ATP8A2: variants seen among roughly 807,000 people sequenced by gnomAD.
The protein encoded by ATP8A2 is ATPase phospholipid transporting 8A2, also known as phospholipid-transporting ATPase IB.
A neutral mutation model predicts 165.6 loss-of-function variants in ATP8A2; 100 were observed. That is an observed-to-expected ratio of 0.60 (90% confidence interval 0.51 to 0.71). The LOEUF (loss-of-function observed/expected upper bound fraction) is 0.71, where lower values mean the gene tolerates loss of function less well. Among genes scored for constraint, ATP8A2 ranks in the 30% least tolerant of loss-of-function variants. The probability of loss-of-function intolerance (pLI) is 0.00; values close to 1 mark genes in which losing one functional copy is unlikely to be tolerated. For synonymous variants in ATP8A2, 543 were observed against 548.8 expected (o/e 0.99, Z 0.15); for missense variants, 1,227 against 1,479.5 (o/e 0.83, Z 2.80).
chr13:25,619,226 A>G (rs1054650556), intron 24 of ATP8A2, among the ~76,000 whole-genome samples: 3 of 152,104 alleles, frequency 2.0e-5, no homozygotes, highest in Non-Finnish European at 4.4e-5. Context: ...GGGGCCTTGC[A>G]GGGGCACACC....
Position 25,772,735 on chromosome 13 carries a change from AATTTATTT to A in ATP8A2, c.2569-2094_2569-2087del, listed in dbSNP as rs375525937. Among the ~76,000 whole-genome samples the A allele has an allele frequency of 4.6e-5, 7 of 150,932 alleles. No individual in the cohort carries two copies. In the South Asian group the frequency reaches 8.3e-4, roughly 18 times the overall value. ...TATTGAGAGTTACATTTAATTAATT[AATTTATTT>A]ATTTATTTATTTATTTATTATTTTT... is the stretch of plus-strand genomic sequence containing the variant. On this transcript the variant is annotated intron_variant, in intron 26 of 36. Coordinates refer to ENST00000381655, the MANE Select transcript of ATP8A2 (RefSeq NM_016529.6).
At chr13:25,919,342 G>A (rs576119366) in intron 33 of ATP8A2, among the ~76,000 whole-genome samples, 1 of 152,234 alleles carries the variant, frequency 6.6e-6, no homozygotes, top group South Asian at 2.1e-4. Context: ...ATTTAGAATT[G>A]GTGTGATTCT....
In ATP8A2 at chr13:25,467,359, T is replaced by C. The variant is rs554159678; in HGVS notation, c.77-1618T>C. On this transcript the variant is annotated intron_variant, in intron 1 of 36. Transcript: ENST00000381655. ...CACTTCAGACTTAACTCTTACTTAA[T>C]ATTCGGAATAATATGTCAGCTTTCA... Among the ~76,000 whole-genome samples, 3 of 152,366 alleles carry C rather than the reference T, an allele frequency of 2.0e-5. No homozygotes were observed. The East Asian group carries it at 5.8e-4, about 29-fold the overall frequency.
At chr13:25,519,129 G>A (rs755764899) in intron 2 of ATP8A2, among the ~76,000 whole-genome samples, 5 of 152,134 alleles carry the variant, frequency 3.3e-5, no homozygotes, top group Non-Finnish European at 5.9e-5. Context: ...CCACCTTGGC[G>A]TTTCTGCACT....
chr13:25,933,687 G>C (rs1407131941), intron 33 of ATP8A2, among the ~76,000 whole-genome samples: 1 of 152,198 alleles, frequency 6.6e-6, no homozygotes, highest in Non-Finnish European at 1.5e-5. Flanking sequence ...CTGCACTCAA[G>C]CCCAGTCTAA....
chr13:25,440,373 A>G (rs193163076), intron 1 of ATP8A2, among the ~76,000 whole-genome samples: 1 of 152,022 alleles, frequency 6.6e-6, no homozygotes, highest in South Asian at 2.1e-4. Flanking sequence ...CCTCCCTGCC[A>G]TTAGACATTG....
chr13:25,615,568 A>G (rs958568749), intron 24 of ATP8A2, among the ~76,000 whole-genome samples: 1 of 152,152 alleles, frequency 6.6e-6, no homozygotes, highest in Admixed American at 6.5e-5. Context: ...GGTTCTGTCC[A>G]GGAAACTTCG....
chr13:25,761,670 A>T (rs1204985395), intron 25 of ATP8A2, among the ~76,000 whole-genome samples: 1 of 150,660 alleles, frequency 6.6e-6, no homozygotes, highest in Non-Finnish European at 1.5e-5. Flanking sequence ...ATATATACAC[A>T]CACATATGAT....
chr13:25,681,469 G>C (rs1007182953), intron 24 of ATP8A2, among the ~76,000 whole-genome samples: 1 of 152,144 alleles, frequency 6.6e-6, no homozygotes, highest in Admixed American at 6.5e-5. Flanking sequence ...GATAGCATGT[G>C]CTGTGTGTAC....
intron 2 of ATP8A2, among the ~76,000 whole-genome samples, chr13:25,517,646 T>C (rs749779586): frequency 2.6e-5 from 4 of 152,204 alleles, no homozygotes; most frequent in Non-Finnish European, 5.9e-5. Flanking sequence ...TTGTGACAGA[T>C]AGTCTAAAAG....
chr13:25,861,939 GC>G (rs1952366397), intron 32 of ATP8A2, among the ~76,000 whole-genome samples: 1 of 152,152 alleles, frequency 6.6e-6, no homozygotes, highest in Admixed American at 6.5e-5. Context: ...TGTCTGTTCA[GC>G]CACTCTGTTA....
chr13:25,492,876 A>G (rs987358783), intron 2 of ATP8A2, among the ~76,000 whole-genome samples: 6 of 152,132 alleles, frequency 3.9e-5, no homozygotes, highest in African/African-American at 1.4e-4. Flanking sequence ...AACTGGCAAG[A>G]CATGGAGGTG....
chr13:26,007,506 G>A (rs1399555901), intron 35 of ATP8A2, among the ~76,000 whole-genome samples: 1 of 152,190 alleles, frequency 6.6e-6, no homozygotes. Context: ...CTGTGATCTT[G>A]TTCTGTAGAC....
At chr13:25,647,280 G>C (rs1382134698) in intron 24 of ATP8A2, among the ~76,000 whole-genome samples, 2 of 152,146 alleles carry the variant, frequency 1.3e-5, no homozygotes, top group Non-Finnish European at 2.9e-5. Context: ...CTGTAAAGCA[G>C]ACCTAATGAT....
chr13:25,583,392 C>A (rs1349639906), intron 23 of ATP8A2, among the ~76,000 whole-genome samples: 1 of 152,096 alleles, frequency 6.6e-6, no homozygotes, highest in Non-Finnish European at 1.5e-5. Context: ...AAGTGGATAA[C>A]CCCTCAAGTT....
intron 35 of ATP8A2, among the ~76,000 whole-genome samples, chr13:26,008,503 A>G (rs1448567653): frequency 6.6e-6 from 1 of 152,224 alleles, no homozygotes; most frequent in East Asian, 1.9e-4. Flanking sequence ...TAGAAGCTCC[A>G]GGAGAAGGTA....
chr13:25,465,727 C>CTTTCTTTCTTTCTT (rs2035637801), intron 1 of ATP8A2, among the ~76,000 whole-genome samples: 1 of 59,300 alleles, frequency 1.7e-5, no homozygotes, highest in African/African-American at 7.5e-5. Context: ...TTCTTTCTTT[C>CTTTCTTTCTTTCTT]TTTCTTTCTT....
rs768633854 is a variant in ATP8A2 at position 25,876,818 on chromosome 13, C to T, written c.3183+14410C>T. Among the ~76,000 whole-genome samples, 22 of 152,110 alleles carry T rather than the reference C, an allele frequency of 1.4e-4. 1 individual carries two copies. Among genetic ancestry groups the T allele is most frequent in the Admixed American group, 1.1e-3 (17 of 15,264 alleles). The stretch of plus-strand genomic sequence containing the variant: ...TGTAAAGAAAGAAAGAATTTTTCCA[C>T]TATTCAAATAGAATTAAATATTGCA... On this transcript the variant is annotated intron_variant, in intron 33 of 36. Transcript: ENST00000381655.
At chr13:25,777,152 T>C (rs2044761011) in intron 27 of ATP8A2, among the ~76,000 whole-genome samples, 1 of 152,154 alleles carries the variant, frequency 6.6e-6, no homozygotes, top group African/African-American at 2.4e-5. Flanking sequence ...TAAACATTCT[T>C]TATAAAGTTA....
Sources: gnomAD v4.1 joint callset for allele counts (sites outside exome capture counted in the v4.1 genomes callset) on GRCh38, gnomAD v4.1.1 for gene constraint, MANE v1.5 for transcripts, NCBI Gene and HGNC (gene_info 2026-07-23, HGNC 2026-07-21) for gene names.